The following HBS1L variants were observed in gnomAD, a reference collection of about 807,000 sequenced individuals.
HBS1L encodes HBS1 like translational GTPase.
In HBS1L, 55 loss-of-function variants were observed where a neutral mutation model predicts 88.9. The ratio of observed to expected loss-of-function variants is 0.62; its 90% CI spans 0.50 to 0.77. The LOEUF is 0.77. HBS1L is among the 30% of genes least tolerant of loss of function. HBS1L has a pLI of 0.00. For synonymous variants in HBS1L, 267 were observed against 288.5 expected, an observed-to-expected ratio of 0.93 and a Z score of 0.76; for missense variants, 741 against 829.3, an observed-to-expected ratio of 0.89 and a Z score of 1.31.
At chr6:134,967,244 T>G (rs1484536332) in intron 16 of HBS1L, among the ~76,000 whole-genome samples, 1 of 152,238 alleles carries the variant, frequency 6.6e-6, no homozygotes, top group Non-Finnish European at 1.5e-5. Context: ...TTAATTTTTA[T>G]GTACTCTAGA....
At chr6:135,046,518 T>C in intron 2 of HBS1L, among the ~76,000 whole-genome samples, 1 of 152,208 alleles carries the variant, frequency 6.6e-6, no homozygotes. Context: ...ATAGGTTCAA[T>C]ACTCAGTATC....
chr6:135,021,165 A>T (rs1185334916), intron 4 of HBS1L, among the ~76,000 whole-genome samples: 1 of 152,078 alleles, frequency 6.6e-6, no homozygotes, highest in East Asian at 1.9e-4. Context: ...CTATGTGATT[A>T]TTATGAATAT....
At chr6:135,022,001 T>C (rs958842082) in intron 4 of HBS1L, among the ~76,000 whole-genome samples, 5 of 152,258 alleles carry the variant, frequency 3.3e-5, no homozygotes, top group African/African-American at 1.2e-4. Flanking sequence ...CAGTTGGCCA[T>C]ATAGGTACTT....
At chr6:135,010,509 T>C (rs1045327301) in intron 4 of HBS1L, among the ~76,000 whole-genome samples, 3 of 152,208 alleles carry the variant, frequency 2.0e-5, no homozygotes, top group Admixed American at 1.3e-4. Flanking sequence ...CTGTACCTAT[T>C]AACCTCTTTT....
intron 4 of HBS1L, chr6:135,037,798 T>C: frequency 6.5e-7 from 1 of 1,548,568 alleles, no homozygotes; most frequent in South Asian, 1.2e-5. Context: ...TGAAAGTTCT[T>C]TTGTTAACTT....
rs796929415 is a variant in HBS1L, at chr6:135,012,032, G to GA, written c.431-9191dup. ...GTCAAAGGTGTGGCAGAGGAAAGGG[G>GA]AAAAAAAAAATGTTGCTATGTACAC... On this transcript the variant is annotated intron_variant, in intron 4 of 17. Transcript: ENST00000367837. Among the ~76,000 whole-genome samples, 24 of 148,364 alleles carry GA rather than the reference G, an allele frequency of 1.6e-4. 1 individual carries two copies. Among genetic ancestry groups the GA allele is most frequent in the African/African-American group, 3.2e-4 (13 of 40,620 alleles).
chr6:134,987,377 T>C (rs1017651624), intron 9 of HBS1L, among the ~76,000 whole-genome samples: 3 of 152,158 alleles, frequency 2.0e-5, no homozygotes, highest in Non-Finnish European at 4.4e-5. Flanking sequence ...CTGATTTTTA[T>C]GCTTTCATTC....
At chr6:135,037,796 C>G in intron 4 of HBS1L, 1 of 1,548,136 alleles carries the variant, frequency 6.5e-7, no homozygotes, top group East Asian at 2.4e-5. Context: ...AGTGAAAGTT[C>G]TTTTGTTAAC....
intron 4 of HBS1L, among the ~76,000 whole-genome samples, chr6:135,016,466 A>C (rs1775924942): frequency 6.6e-6 from 1 of 152,146 alleles, no homozygotes; most frequent in Admixed American, 6.5e-5. Context: ...TTAATAATAA[A>C]CACCTGGATA....
chr6:135,046,510 A>G (rs759451150), intron 2 of HBS1L, among the ~76,000 whole-genome samples: 2 of 152,198 alleles, frequency 1.3e-5, no homozygotes, highest in Non-Finnish European at 2.9e-5. Flanking sequence ...TCTTTGACAT[A>G]GGTTCAATAC....
chr6:135,044,147 C>T (rs1481532279), intron 2 of HBS1L, among the ~76,000 whole-genome samples: 1 of 152,138 alleles, frequency 6.6e-6, no homozygotes, highest in African/African-American at 2.4e-5. Context: ...TTTCTTACAT[C>T]TCCTATCAAG....
At chr6:135,003,938 C>A (rs1250057380) in intron 4 of HBS1L, among the ~76,000 whole-genome samples, 1 of 152,002 alleles carries the variant, frequency 6.6e-6, no homozygotes, top group Non-Finnish European at 1.5e-5. Flanking sequence ...TGAGCTAGAT[C>A]AAAGTAAGAC....
chr6:134,993,190 C>A (rs767895632), intron 8 of HBS1L, among the ~76,000 whole-genome samples: 1 of 152,134 alleles, frequency 6.6e-6, no homozygotes, highest in Non-Finnish European at 1.5e-5. Flanking sequence ...AATGATGAAA[C>A]TGCCTAACAA....
chr6:134,995,888 A>C (rs12663447), intron 7 of HBS1L, among the ~76,000 whole-genome samples: 47,644 of 151,916 alleles, frequency 0.31, 7,869 homozygotes, highest in Non-Finnish European at 0.37. Context: ...GAGCTAAGGA[A>C]TACTGTGACC....
At chr6:134,978,535 A>G (rs1774718664) in intron 15 of HBS1L, 144 bp downstream of exon 15, 3 of 448,930 alleles carry the variant, frequency 6.7e-6, no homozygotes, top group African/African-American at 2.0e-5. Flanking sequence ...CGATTTTCTA[A>G]TTATAAGTTT....
intron 4 of HBS1L, among the ~76,000 whole-genome samples, chr6:135,013,593 T>A (rs1562296661): frequency 6.7e-6 from 1 of 150,174 alleles, no homozygotes. Flanking sequence ...GACCCCAGAA[T>A]AGAAAATGGA....
At chr6:134,965,755 G>A (rs1774295246) in intron 17 of HBS1L, among the ~76,000 whole-genome samples, 1 of 152,116 alleles carries the variant, frequency 6.6e-6, no homozygotes, top group South Asian at 2.1e-4. Flanking sequence ...TCTGAAAGCT[G>A]TTTTCTTCAC....
chr6:135,037,031 C>A (rs1179054978), intron 4 of HBS1L: 6 of 1,551,438 alleles, frequency 3.9e-6, no homozygotes, highest in Non-Finnish European at 5.2e-6. Context: ...GATAAACTGA[C>A]CTCAAAGGAC....
In HBS1L at chr6:134,993,822, A is replaced by G. The variant is rs543416371; in HGVS notation, c.1019T>C (p.Ile340Thr). 3.9e-5 allele frequency: 63 copies of G among 1,607,404 alleles called. No homozygotes were observed. Among genetic ancestry groups the G allele is most frequent in the Non-Finnish European group, 5.2e-5 (61 of 1,175,694 alleles). ...MTKFETTTKV[I>T]TLMDAPGHKD... ...ATGGCCTGGAGCATCCATTAATGTA[A>G]TAACTTTGGTTGTGGTTTCAAACTT... Residue 340 changes from isoleucine (I) to threonine (T), a missense_variant, in exon 8 of 18, where the codon ATT becomes ACT. Ile to Thr is a moderately conservative substitution (Grantham distance 89). Around this residue, in one of 3 missense-constraint regions of HBS1L, gnomAD observed 556 missense variants for 598.4 expected, o/e 0.93. Transcript: ENST00000367837.
Sources: allele counts gnomAD v4.1 joint callset (sites outside exome capture counted in the v4.1 genomes callset), GRCh38; gene constraint gnomAD v4.1.1; regional missense constraint gnomAD v4.1.1; transcripts MANE v1.5; gene names NCBI Gene and HGNC (gene_info 2026-07-23, HGNC 2026-07-21).